The following PPARD variants were observed in gnomAD, a reference collection of about 807,000 sequenced individuals.
PPARD encodes peroxisome proliferator-activated receptor delta.
A neutral mutation model predicts 39.5 loss-of-function variants in PPARD; 6 were observed. That is an observed-to-expected ratio of 0.15 (90% CI 0.08 to 0.30). The LOEUF (loss-of-function observed/expected upper bound fraction) is 0.30. Ranked by LOEUF, PPARD falls within the 10% of genes least tolerant of loss-of-function variation. PPARD has a pLI of 1.00. For missense variants in PPARD, 397 were observed against 596.8 expected (o/e 0.67, Z 3.49); for synonymous variants, 210 against 231.3 (o/e 0.91, Z 0.83).
chr6:35,355,583 T>TTTCTTC (rs1213702796), intron 2 of PPARD, among the ~76,000 whole-genome samples: 9 of 107,498 alleles, frequency 8.4e-5, no homozygotes, highest in Non-Finnish European at 1.5e-4. Context: ...AAAAAAGTGC[T>TTTCTTC]TTCTTCTTCT....
rs1279383426 is a variant in PPARD at position 35,350,560 on chromosome 6, G to A, written c.-102+3410G>A. On this transcript the variant is annotated intron_variant, in intron 2 of 7. Transcript: ENST00000360694. ...CTTTGTCAAAAGTGAGTTCACTGTA[G>A]ATGTGTGGATTTGTTTCTGGGTTCT... Among the ~76,000 whole-genome samples the A allele has an allele frequency of 3.3e-5, 5 of 150,016 alleles. No individual in the cohort carries two copies. In the East Asian group the frequency reaches 9.9e-4, roughly 30 times the overall value.
intron 3 of PPARD, among the ~76,000 whole-genome samples, chr6:35,419,922 A>G (rs1389624203): frequency 6.6e-6 from 1 of 152,186 alleles, no homozygotes; most frequent in African/African-American, 2.4e-5. Flanking sequence ...CTCTGGGAGA[A>G]ATGCTGTGGA....
At chr6:35,422,669 A>G (rs1403391569) in intron 5 of PPARD, among the ~76,000 whole-genome samples, 3 of 152,162 alleles carry the variant, frequency 2.0e-5, no homozygotes, top group East Asian at 1.9e-4. Flanking sequence ...CTTAGAGGGT[A>G]GCAGTACCTG....
At chr6:35,347,584 A>AATATATAT (rs112387803) in intron 2 of PPARD, among the ~76,000 whole-genome samples, 3 of 147,220 alleles carry the variant, frequency 2.0e-5, no homozygotes, top group African/African-American at 7.4e-5. Flanking sequence ...TTAGGGGGCA[A>AATATATAT]ATATATATAT....
At chr6:35,349,558 T>G (rs1761110054) in intron 2 of PPARD, among the ~76,000 whole-genome samples, 1 of 152,150 alleles carries the variant, frequency 6.6e-6, no homozygotes, top group African/African-American at 2.4e-5. Context: ...CTGGGCTGCA[T>G]GCAGTCATGG....
chr6:35,373,423 C>T (rs1329875135), intron 2 of PPARD, among the ~76,000 whole-genome samples: 4 of 152,156 alleles, frequency 2.6e-5, no homozygotes, highest in African/African-American at 9.7e-5. Flanking sequence ...TGCCACAAGC[C>T]ACTGGACACG....
chr6:35,411,272 T>A, intron 3 of PPARD, 55 bp downstream of exon 3: 2 of 1,385,162 alleles, frequency 1.4e-6, no homozygotes, highest in Non-Finnish European at 1.9e-6. Flanking sequence ...CCCAGTGCAG[T>A]GGGGATCCTG....
chr6:35,417,543 C>T (rs924543451), intron 3 of PPARD, among the ~76,000 whole-genome samples: 6 of 151,900 alleles, frequency 3.9e-5, no homozygotes, highest in Non-Finnish European at 7.4e-5. Flanking sequence ...CAAAGTACTG[C>T]GATTACTGGC....
chr6:35,421,119 G>A (rs372627051), intron 4 of PPARD, among the ~76,000 whole-genome samples: 60 of 151,940 alleles, frequency 3.9e-4, no homozygotes, highest in Non-Finnish European at 7.1e-4. Context: ...GAACCACTGT[G>A]CCTGACCCAA....
At chr6:35,365,022 G>A (rs1193464406) in intron 2 of PPARD, among the ~76,000 whole-genome samples, 1 of 150,414 alleles carries the variant, frequency 6.6e-6, no homozygotes, top group Non-Finnish European at 1.5e-5. Context: ...AGTGTTACTC[G>A]TTAGGCAGAT....
intron 2 of PPARD, among the ~76,000 whole-genome samples, chr6:35,352,863 C>T (rs966031551): frequency 2.6e-5 from 4 of 152,168 alleles, no homozygotes; most frequent in Non-Finnish European, 5.9e-5. Context: ...AAAGAAATGT[C>T]AATGTTTCTC....
rs1766475159 is a variant in PPARD, at chr6:35,424,999, G to A, written c.1078+220G>A. On this transcript the variant is annotated intron_variant, in intron 7 of 7. Coordinates refer to ENST00000360694, the MANE Select transcript of PPARD (RefSeq NM_006238.5). The surrounding 1 kb of genome is among the most constrained non-coding windows in gnomAD (Gnocchi z 7.1). ...AGACAGGAAAAAGACTAAGCCAGAC[G>A]TGGTGGCTCACACCTGTAATCCCAG... 6.4e-6 allele frequency: 9 copies of A among 1,400,268 alleles called. No homozygotes were observed. The South Asian group carries it at 9.5e-5, about 15-fold the overall frequency. The allele number at this position is 1,400,268 out of a possible 1,614,324, so 86.7% of individuals were successfully genotyped here.
intron 2 of PPARD, among the ~76,000 whole-genome samples, chr6:35,380,476 GTTTTT>G (rs71002557): frequency 1.8e-4 from 12 of 67,100 alleles, no homozygotes; most frequent in African/African-American, 4.5e-4. Flanking sequence ...TTTTTTGTTT[GTTTTT>G]TTTTTTTTTT....
intron 2 of PPARD, among the ~76,000 whole-genome samples, chr6:35,395,416 G>C (rs1040429308): frequency 6.6e-6 from 1 of 152,204 alleles, no homozygotes; most frequent in Non-Finnish European, 1.5e-5. Flanking sequence ...GTGATGACTG[G>C]TCTGCCTGGG....
chr6:35,425,612 G>A lies in PPARD; in HGVS notation c.1079-220G>A, dbSNP rs75066816. 8.4e-3 allele frequency among the ~76,000 whole-genome samples: 1,271 copies of A among 152,144 alleles called. 19 individuals are homozygous for A. The highest frequency in any genetic ancestry group is 0.026 in the African/African-American group (1,093 of 41,518). ...AACCACAATACTACGTTGCCTAATC[G>A]GGGGGGAGGTGGGGACAAATTGGCA... On this transcript the variant is annotated intron_variant, in intron 7 of 7. Coordinates refer to ENST00000360694, the MANE Select transcript of PPARD (RefSeq NM_006238.5). The surrounding 1 kb of genome is among the most constrained non-coding windows in gnomAD (Gnocchi z 4.5).
chr6:35,399,410 A>C (rs999128959), intron 2 of PPARD, among the ~76,000 whole-genome samples: 1 of 151,390 alleles, frequency 6.6e-6, no homozygotes, highest in Non-Finnish European at 1.5e-5. Context: ...AAAAAAAAAA[A>C]AAAAAAAAAC....
chr6:35,397,411 C>T lies in PPARD; in HGVS notation c.-101-13576C>T, dbSNP rs372634152. Reference sequence around the variant, plus strand: ...CAGATTAGCAAAAGAACTAGCCAGACGCTGCTAGGCCCCTCAGGCTTCTAG... The same window carrying T: ...CAGATTAGCAAAAGAACTAGCCAGATGCTGCTAGGCCCCTCAGGCTTCTAG... On this transcript the variant is annotated intron_variant, in intron 2 of 7. Transcript: ENST00000360694. The T allele has an allele frequency of 1.4e-4, 56 of 414,736 alleles. 1 individual carries two copies. The highest frequency in any genetic ancestry group is 7.1e-4 in the South Asian group (7 of 9,870). The allele number at this position is 414,736 out of a possible 1,614,324, so 25.7% of individuals were successfully genotyped here. A position where few individuals can be genotyped will look rare whatever the true frequency, so the allele number is the denominator to read the frequency against.
intron 2 of PPARD, among the ~76,000 whole-genome samples, chr6:35,402,329 G>A (rs553990754): frequency 8.5e-5 from 13 of 152,106 alleles, no homozygotes; most frequent in East Asian, 3.9e-4. Context: ...CAGATTTTTC[G>A]CAGTCTTCAG....
intron 2 of PPARD, among the ~76,000 whole-genome samples, chr6:35,350,962 TTA>T (rs75279803): frequency 0.49 from 73,995 of 151,986 alleles, 22,590 homozygotes; most frequent in Non-Finnish European, 0.67. Flanking sequence ...CTTTAGAATA[TTA>T]TAAAACAGCA....
Sources: allele counts gnomAD v4.1 joint callset (sites outside exome capture counted in the v4.1 genomes callset), GRCh38; gene constraint gnomAD v4.1.1; non-coding constraint Gnocchi (gnomAD v3.1); transcripts MANE v1.5; gene names NCBI Gene and HGNC (gene_info 2026-07-23, HGNC 2026-07-21).